The following LSS variants were observed in gnomAD, a reference collection of about 807,000 sequenced individuals.
LSS encodes 2,3-epoxysqualene-lanosterol cyclase.
LSS carries 90 observed loss-of-function variants against 110.3 expected under a neutral mutation model. The observed-to-expected ratio is 0.82, with a 90% CI of 0.69 to 0.97. LSS has a LOEUF of 0.97. Among genes scored for constraint, LSS ranks in the 50% least tolerant of loss-of-function variants. The pLI, the probability that LSS is intolerant of heterozygous loss-of-function variation, is 0.00. For synonymous variants in LSS, 433 were observed against 400.0 expected (o/e 1.08, Z -0.98); for missense variants, 927 against 990.0 (o/e 0.94, Z 0.85).
At chr21:46,202,148 AC>A (rs1418407550) in intron 17 of LSS, among the ~76,000 whole-genome samples, 2 of 137,018 alleles carry the variant, frequency 1.5e-5, no homozygotes, top group Non-Finnish European at 3.2e-5. Context: ...TAATCCCAGC[AC>A]TTTGGGAGGC....
intron 3 of LSS, chr21:46,225,231 C>A: frequency 4.0e-6 from 1 of 252,466 alleles, no homozygotes; most frequent in Non-Finnish European, 8.2e-6. Flanking sequence ...AAAAACCAGG[C>A]CATACAGAGA....
Position 46,191,229 on chromosome 21 carries a change from T to C in LSS, c.2074A>G (p.Ile692Val), listed in dbSNP as rs1419012193. The C allele has an allele frequency of 8.7e-6, 14 of 1,613,884 alleles. No homozygotes were observed. The highest frequency in any genetic ancestry group is 1.3e-5 in the African/African-American group (1 of 74,878). Residue 692 changes from isoleucine to valine, a missense_variant, in exon 22 of 22, where the codon ATT (isoleucine) becomes GTT (valine). Coordinates refer to ENST00000397728, the MANE Select transcript of LSS (RefSeq NM_002340.6). ...LPNGDWPQEN[I>V]AGVFNKSCAI... ...CAGGACTTGTTGAAGACCCCAGCAA[T>C]GTTTTCCTAAAAGAACACAGAGAAA...
Position 46,222,677 on chromosome 21 carries a change from A to G in LSS, c.381T>C (p.Ile127=), listed in dbSNP as rs375257679. The G allele has an allele frequency of 2.9e-5, 47 of 1,613,794 alleles. No homozygotes were observed. The highest frequency in any genetic ancestry group is 3.9e-5 in the Non-Finnish European group (46 of 1,180,032). ...IPLPAGYREE[I]VRYLRSVQLP... ...GCTGCACTGACCGCAGGTACCGCAC[A>G]ATCTCTTCTCTGTATCCGGCTGGCA... is the stretch of plus-strand genomic sequence containing the variant. The change falls in exon 4 of 22, where the codon ATT becomes ATC. Residue 127 remains isoleucine, a synonymous_variant. Transcript: ENST00000397728.
intron 11 of LSS, among the ~76,000 whole-genome samples, chr21:46,211,371 C>T (rs578156140): frequency 5.0e-4 from 76 of 152,280 alleles, no homozygotes; most frequent in South Asian, 1.4e-3. Flanking sequence ...CCTTGTGATC[C>T]GCCCACCTTG....
In LSS at chr21:46,221,873, C is replaced by G. The variant is rs1329181104; in HGVS notation, c.531G>C (p.Arg177=). The change falls in exon 5 of 22, where the codon CGG becomes CGC. Residue 177 remains arginine, a synonymous_variant. Transcript: ENST00000397728. The stretch of plus-strand genomic sequence containing the variant: ...CCGTACCTTTCTTGTGAAGAATGTT[C>G]CGGGCTCGTACCAGGTCAGGATCGT... ...GPDDPDLVRA[R]NILHKKGGAV... 1.2e-6 allele frequency: 2 copies of G among 1,613,994 alleles called. No individual in the cohort carries two copies. Among genetic ancestry groups the G allele is most frequent in the African/African-American group, 2.7e-5 (2 of 74,904 alleles).
chr21:46,208,202 G>A, intron 14 of LSS, 49 bp downstream of exon 14: 2 of 1,534,942 alleles, frequency 1.3e-6, no homozygotes, highest in South Asian at 2.4e-5. Flanking sequence ...CCTGCTGAGG[G>A]CGGCCTCCCC....
rs774989434 is a variant in LSS at position 46,228,475 on chromosome 21, C to T, written c.139G>A (p.Glu47Lys). The T allele has an allele frequency of 6.2e-7, 1 of 1,603,388 alleles. No individual in the cohort carries two copies. Among genetic ancestry groups the T allele is most frequent in the Non-Finnish European group, 8.5e-7 (1 of 1,179,590 alleles). The change falls in exon 2 of 22, where the codon GAG becomes AAG. Residue 47 changes from glutamate (E) to lysine (K), a missense_variant. By Grantham distance (56) the Glu-to-Lys change is moderately conservative. Coordinates refer to ENST00000397728, the MANE Select transcript of LSS (RefSeq NM_002340.6). ...TYLQDERAGR[E>K]QTGLEAYALG... is the part of the protein sequence containing the mutation. Reference sequence around the variant, plus strand: ...GCGTAGGCTTCCAGGCCGGTCTGCTCGCGGCCGGCGCGCTCGTCCTGCAGG... The same window carrying T: ...GCGTAGGCTTCCAGGCCGGTCTGCTTGCGGCCGGCGCGCTCGTCCTGCAGG...
intron 10 of LSS, 122 bp downstream of exon 10, chr21:46,213,616 C>A: frequency 1.3e-6 from 1 of 749,062 alleles, no homozygotes. Context: ...CTGCTGGTTC[C>A]TGGAGGTATT....
At chr21:46,214,634 G>C (rs565465430) in intron 9 of LSS, among the ~76,000 whole-genome samples, 1 of 152,130 alleles carries the variant, frequency 6.6e-6, no homozygotes, top group Non-Finnish European at 1.5e-5. Flanking sequence ...GTCAGGAGGC[G>C]GCCACGCACC....
At chr21:46,221,737 T>G in intron 5 of LSS, 117 bp downstream of exon 5, 1 of 1,443,678 alleles carries the variant, frequency 6.9e-7, no homozygotes, top group Non-Finnish European at 9.6e-7. Context: ...AATTCCCTGC[T>G]CATGTGCTTT....
At position 46,216,335 on chromosome 21, in the gene LSS, C is replaced by T; in HGVS notation, c.783+54G>A. The T allele has an allele frequency of 3.1e-6, 5 of 1,609,906 alleles. No individual in the cohort carries two copies. The highest frequency in any genetic ancestry group is 3.4e-6 in the Non-Finnish European group (4 of 1,178,184). Reference sequence around the variant, plus strand: ...GTGGTTAGATTCCAGAAGCCCCAGGCCCTGTGGGTCCCAGCCCCAGAGGCC... The same window carrying T: ...GTGGTTAGATTCCAGAAGCCCCAGGTCCTGTGGGTCCCAGCCCCAGAGGCC... On this transcript the variant is annotated intron_variant, in intron 7 of 21. Coordinates refer to ENST00000397728, the MANE Select transcript of LSS (RefSeq NM_002340.6). This position sits in a 1 kb window ranked among gnomAD's most constrained non-coding sequence, Gnocchi z 4.2.
Position 46,228,084 on chromosome 21 carries a change from C to A in LSS, c.180+350G>T, listed in dbSNP as rs78920943. Among the ~76,000 whole-genome samples, 1,480 of 152,354 alleles carry A rather than the reference C, an allele frequency of 9.7e-3. 30 individuals carry two copies. Among genetic ancestry groups the A allele is most frequent in the African/African-American group, 0.034 (1,428 of 41,576 alleles). Reference sequence around the variant, plus strand: ...TCGGCAGGAGACCCTGTTTACACTGCAGACTCTGACGACCAAAATCTCTTA... The same window carrying A: ...TCGGCAGGAGACCCTGTTTACACTGAAGACTCTGACGACCAAAATCTCTTA... On this transcript the variant is annotated intron_variant, in intron 2 of 21. Coordinates refer to ENST00000397728, the MANE Select transcript of LSS (RefSeq NM_002340.6).
At chr21:46,191,260 A>C in intron 21 of LSS, 25 bp from the exon 22 acceptor site, 1 of 1,613,706 alleles carries the variant, frequency 6.2e-7, no homozygotes, top group African/African-American at 1.3e-5. Flanking sequence ...AGAAATAAAC[A>C]CAAAGGCTTC....
chr21:46,218,179 C>T (rs2080231302), intron 6 of LSS, among the ~76,000 whole-genome samples: 1 of 151,378 alleles, frequency 6.6e-6, no homozygotes, highest in South Asian at 2.1e-4. Context: ...GGGACACCCC[C>T]ACCAGGGTTC....
In LSS at chr21:46,216,410, C is replaced by T. The variant is rs148089538; in HGVS notation, c.762G>A (p.Pro254=). 1.0e-4 allele frequency: 164 copies of T among 1,613,884 alleles called. No homozygotes were observed. In the African/African-American group the frequency reaches 1.9e-3, roughly 18 times the overall value. ...CTACCTGGCGGAGGCTCTGGACCAG[C>T]GGGTCTTCCGCGGCACTCAGCCGAA... ...YAVRLSAAED[P]LVQSLRQELY... is the part of the protein sequence containing the mutation. Residue 254 remains proline, a synonymous_variant, in exon 7 of 22, where the codon CCG becomes CCA. Transcript: ENST00000397728. This position sits in a 1 kb window ranked among gnomAD's most constrained non-coding sequence, Gnocchi z 4.2.
intron 2 of LSS, 78 bp from the exon 3 acceptor site, chr21:46,227,768 A>G: frequency 1.3e-6 from 2 of 1,504,714 alleles, no homozygotes; most frequent in Non-Finnish European, 1.8e-6. Flanking sequence ...CTTCACATAC[A>G]GCCCAAGTCA....
In LSS at chr21:46,228,315, C is replaced by T. The variant is rs1036139478; in HGVS notation, c.180+119G>A. ...CGAACGCAGTTCCCGTGGGCGCTCG[C>T]CTTGGGGATGGGCGTCGCTGGCCGG... On this transcript the variant is annotated intron_variant, in intron 2 of 21. Coordinates refer to ENST00000397728, the MANE Select transcript of LSS (RefSeq NM_002340.6). 4.1e-6 allele frequency: 5 copies of T among 1,229,758 alleles called. No homozygotes were observed. The African/African-American group carries it at 6.1e-5, about 15-fold the overall frequency. 76.2% of individuals were successfully genotyped at this position (1,229,758 alleles called of 1,614,324 possible).
chr21:46,200,250 C>T (rs1415577911), intron 17 of LSS, among the ~76,000 whole-genome samples: 1 of 152,088 alleles, frequency 6.6e-6, no homozygotes, highest in Non-Finnish European at 1.5e-5. Flanking sequence ...CCAACTAATA[C>T]ATATGGAAGG....
At chr21:46,196,943 G>A (rs1442018688) in intron 17 of LSS, among the ~76,000 whole-genome samples, 3 of 152,242 alleles carry the variant, frequency 2.0e-5, no homozygotes, top group Non-Finnish European at 4.4e-5. Context: ...ATCGTGCCGA[G>A]GACCCTGTGT....
Sources: gnomAD v4.1 joint callset for allele counts (sites outside exome capture counted in the v4.1 genomes callset) on GRCh38, gnomAD v4.1.1 for gene constraint, Gnocchi (gnomAD v3.1) non-coding constraint, MANE v1.5 for transcripts, NCBI Gene and HGNC (gene_info 2026-07-23, HGNC 2026-07-21) for gene names.